KCNH1: variants seen among roughly 807,000 people sequenced by gnomAD.
KCNH1 encodes voltage-gated delayed rectifier potassium channel KCNH1.
KCNH1 carries 27 observed loss-of-function variants against 69.2 expected under a neutral mutation model. The observed-to-expected ratio is 0.39, with a 90% CI of 0.29 to 0.54. The LOEUF (loss-of-function observed/expected upper bound fraction) is 0.54, where lower values mean the gene tolerates loss of function less well. KCNH1 is among the 20% of genes least tolerant of loss of function. The probability of loss-of-function intolerance (pLI) is 0.68; values close to 1 mark genes in which losing one functional copy is unlikely to be tolerated. For synonymous variants in KCNH1, 456 were observed against 487.7 expected (o/e 0.93, Z 0.86); for missense variants, 798 against 1,261.6 (o/e 0.63, Z 5.57).
intron 10 of KCNH1, among the ~76,000 whole-genome samples, chr1:210,736,618 A>T (rs947424267): frequency 6.6e-6 from 1 of 152,164 alleles, no homozygotes; most frequent in Non-Finnish European, 1.5e-5. Context: ...ATCTAGATTA[A>T]TGATAAGGAT....
intron 1 of KCNH1, among the ~76,000 whole-genome samples, chr1:211,118,430 T>A (rs1466402435): frequency 6.6e-6 from 1 of 152,150 alleles, no homozygotes; most frequent in Admixed American, 6.5e-5. Flanking sequence ...CATCTGAAAG[T>A]TCCCCTGCGT....
chr1:210,819,951 C>A (rs1226263227), intron 7 of KCNH1, among the ~76,000 whole-genome samples: 1 of 152,248 alleles, frequency 6.6e-6, no homozygotes, highest in Non-Finnish European at 1.5e-5. Flanking sequence ...CAAGGAGATG[C>A]ACATCATGTG....
intron 7 of KCNH1, among the ~76,000 whole-genome samples, chr1:210,907,149 G>T (rs938833218): frequency 2.0e-5 from 3 of 152,122 alleles, no homozygotes; most frequent in South Asian, 2.1e-4. Context: ...GATGCAAAAA[G>T]GCTGAAACTT....
At chr1:211,071,573 T>C (rs1410420199) in intron 5 of KCNH1, among the ~76,000 whole-genome samples, 2 of 152,246 alleles carry the variant, frequency 1.3e-5, no homozygotes, top group Non-Finnish European at 2.9e-5. Flanking sequence ...TACTGCATCT[T>C]TACGTCTGTA....
At chr1:210,699,899 A>C (rs1160608312) in intron 10 of KCNH1, among the ~76,000 whole-genome samples, 2 of 152,214 alleles carry the variant, frequency 1.3e-5, no homozygotes, top group Admixed American at 1.3e-4. Context: ...GTATGAGCCC[A>C]CAAACCCAAG....
At chr1:210,856,576 A>C (rs1231421142) in intron 7 of KCNH1, among the ~76,000 whole-genome samples, 1 of 151,326 alleles carries the variant, frequency 6.6e-6, no homozygotes, top group Non-Finnish European at 1.5e-5. Context: ...CATGTGCACA[A>C]AATTACCCAT....
chr1:210,724,380 T>C (rs1292061711), intron 10 of KCNH1, among the ~76,000 whole-genome samples: 1 of 152,140 alleles, frequency 6.6e-6, no homozygotes, highest in East Asian at 1.9e-4. Flanking sequence ...AGAGTTAGGA[T>C]CTGCTTACTG....
At chr1:210,725,420 A>G (rs1477525148) in intron 10 of KCNH1, among the ~76,000 whole-genome samples, 3 of 152,170 alleles carry the variant, frequency 2.0e-5, no homozygotes, top group South Asian at 2.1e-4. Flanking sequence ...TAATGTCCAG[A>G]CTCAGATCTA....
intron 6 of KCNH1, among the ~76,000 whole-genome samples, chr1:210,946,356 C>T (rs1401917111): frequency 1.3e-5 from 2 of 152,076 alleles, no homozygotes; most frequent in Non-Finnish European, 2.9e-5. Flanking sequence ...GGCAAGATGC[C>T]CTGCCCCTCC....
chr1:210,846,940 A>T (rs886075327), intron 7 of KCNH1, among the ~76,000 whole-genome samples: 1 of 152,272 alleles, frequency 6.6e-6, no homozygotes, highest in Non-Finnish European at 1.5e-5. Flanking sequence ...GACACTTCTC[A>T]AAAGAAGACA....
intron 7 of KCNH1, among the ~76,000 whole-genome samples, chr1:210,853,605 A>G (rs1239798370): frequency 6.6e-6 from 1 of 152,230 alleles, no homozygotes; most frequent in African/African-American, 2.4e-5. Context: ...ATTGGGTACA[A>G]CTAACCAGAG....
intron 5 of KCNH1, among the ~76,000 whole-genome samples, chr1:211,020,917 T>C (rs1356818953): frequency 2.1e-5 from 3 of 146,330 alleles, no homozygotes; most frequent in African/African-American, 5.2e-5. Context: ...AGAAAAAGCA[T>C]TTGATAAAAT....
chr1:210,764,017 A>G (rs780483258), intron 10 of KCNH1, among the ~76,000 whole-genome samples: 1 of 152,158 alleles, frequency 6.6e-6, no homozygotes, highest in Non-Finnish European at 1.5e-5. Context: ...TGGTACAAAA[A>G]CAGATGAATA....
chr1:211,023,357 T>C (rs1319375613), intron 5 of KCNH1, among the ~76,000 whole-genome samples: 3 of 151,738 alleles, frequency 2.0e-5, no homozygotes, highest in Admixed American at 2.0e-4. Context: ...CCCATGTTTA[T>C]TGCAGCATTA....
intron 7 of KCNH1, among the ~76,000 whole-genome samples, chr1:210,893,551 G>A (rs1001124039): frequency 6.6e-6 from 1 of 151,654 alleles, no homozygotes; most frequent in Admixed American, 6.6e-5. Flanking sequence ...GTGAATTCAT[G>A]TTTTTCATCA....
At chr1:211,083,845 T>C (rs1355466474) in intron 4 of KCNH1, among the ~76,000 whole-genome samples, 1 of 152,230 alleles carries the variant, frequency 6.6e-6, no homozygotes, top group East Asian at 1.9e-4. Context: ...AATTTTACCC[T>C]GGAGCAACTT....
At chr1:210,950,422 A>G (rs1321065756) in intron 6 of KCNH1, among the ~76,000 whole-genome samples, 2 of 134,768 alleles carry the variant, frequency 1.5e-5, no homozygotes, top group Non-Finnish European at 1.5e-5. Context: ...CCTGTGTCCA[A>G]GTGATCTCAT....
At chr1:210,827,290 T>C (rs777261239) in intron 7 of KCNH1, among the ~76,000 whole-genome samples, 2 of 151,946 alleles carry the variant, frequency 1.3e-5, no homozygotes, top group Non-Finnish European at 2.9e-5. Flanking sequence ...GAGCCGAGAT[T>C]GCGCCATTGC....
intron 6 of KCNH1, among the ~76,000 whole-genome samples, chr1:210,931,843 A>T (rs1346147513): frequency 1.8e-5 from 1 of 56,452 alleles, no homozygotes; most frequent in South Asian, 5.4e-4. Context: ...TGAACGAAAT[A>T]AAAAAAAAAA....
Sources: allele counts gnomAD v4.1 joint callset (sites outside exome capture counted in the v4.1 genomes callset), GRCh38; gene constraint gnomAD v4.1.1; transcripts MANE v1.5; gene names NCBI Gene and HGNC (gene_info 2026-07-23, HGNC 2026-07-21).